The following AFF1 variants were observed in gnomAD, a reference collection of about 807,000 sequenced individuals.
AFF1 encodes ALF transcription elongation factor 1, also known as AF4/FMR2 family member 1.
A neutral mutation model predicts 121.7 loss-of-function variants in AFF1; 48 were observed. The ratio of observed to expected loss-of-function variants is 0.39; its 90% confidence interval spans 0.31 to 0.50. The LOEUF (loss-of-function observed/expected upper bound fraction) is 0.50, where lower values mean the gene tolerates loss of function less well. Ranked by LOEUF, AFF1 falls within the 20% of genes least tolerant of loss-of-function variation. AFF1 has a pLI of 0.76. For synonymous variants in AFF1, 613 were observed against 563.0 expected, an observed-to-expected ratio of 1.09 and a Z score of -1.26; for missense variants, 1,523 against 1,511.7, an observed-to-expected ratio of 1.01 and a Z score of -0.12.
chr4:87,119,289 A>G (rs112287512), intron 12 of AFF1, among the ~76,000 whole-genome samples: 29 of 152,178 alleles, frequency 1.9e-4, no homozygotes, highest in Non-Finnish European at 4.0e-4. Context: ...CCCTCTAAAA[A>G]TGTACCTGGC....
chr4:86,962,519 A>G (rs1406643226), intron 2 of AFF1, among the ~76,000 whole-genome samples: 1 of 152,122 alleles, frequency 6.6e-6, no homozygotes, highest in Admixed American at 6.5e-5. Context: ...TTCAGCATTT[A>G]GGGTGTGGAG....
At chr4:87,053,853 T>G (rs986540713) in intron 4 of AFF1, among the ~76,000 whole-genome samples, 14 of 152,216 alleles carry the variant, frequency 9.2e-5, no homozygotes, top group Non-Finnish European at 1.2e-4. Context: ...CAAGCTATTC[T>G]AAGAGCTATA....
intron 2 of AFF1, among the ~76,000 whole-genome samples, chr4:87,014,773 T>G (rs183230405): frequency 1.3e-5 from 2 of 152,238 alleles, no homozygotes; most frequent in Admixed American, 6.5e-5. Context: ...GTTAAATTGC[T>G]TCTCCCCCAC....
At chr4:87,022,543 GATATATAT>G (rs1156817444) in intron 2 of AFF1, among the ~76,000 whole-genome samples, 1,380 of 80,160 alleles carry the variant, frequency 0.017, 44 homozygotes, top group African/African-American at 0.041. Context: ...CGTGCTTACA[GATATATAT>G]ATATATATAT....
At chr4:86,994,242 C>G (rs1048577133) in intron 2 of AFF1, among the ~76,000 whole-genome samples, 1 of 152,230 alleles carries the variant, frequency 6.6e-6, no homozygotes, top group Non-Finnish European at 1.5e-5. Flanking sequence ...GTTGCTAATT[C>G]GACTTCCTGA....
chr4:87,079,953 A>T (rs1423780666), intron 4 of AFF1, among the ~76,000 whole-genome samples: 1 of 152,198 alleles, frequency 6.6e-6, no homozygotes, highest in African/African-American at 2.4e-5. Context: ...GCGTCGTACA[A>T]TTGATGGTAC....
intron 2 of AFF1, among the ~76,000 whole-genome samples, chr4:86,976,315 G>A (rs1474152402): frequency 6.6e-6 from 1 of 152,170 alleles, no homozygotes; most frequent in Non-Finnish European, 1.5e-5. Context: ...TAAGGAGGCA[G>A]AGAGGTGGGT....
At chr4:87,062,635 C>T (rs1578172079) in intron 4 of AFF1, among the ~76,000 whole-genome samples, 1 of 152,198 alleles carries the variant, frequency 6.6e-6, no homozygotes, top group South Asian at 2.1e-4. Context: ...TTTTAAATTA[C>T]TTATTTTTAT....
At position 86,951,704 on chromosome 4, in the gene AFF1, C is replaced by T. The variant is rs141522095; in HGVS notation, c.38+3133C>T. 3.0e-3 allele frequency among the ~76,000 whole-genome samples: 436 copies of T among 144,068 alleles called. 1 individual carries two copies. The highest frequency in any genetic ancestry group is 0.011 in the African/African-American group (404 of 38,426). The allele number at this position is 144,068 out of a possible 152,430, so 94.5% of individuals were successfully genotyped here. On this transcript the variant is annotated intron_variant, in intron 2 of 20. Transcript: ENST00000395146. ...GTGGCATGATCTTGGCTCACTACAA[C>T]CTCCACCTCCAGGTTCAAGCAATTC...
At chr4:86,996,404 C>G (rs1313826105) in intron 2 of AFF1, among the ~76,000 whole-genome samples, 1 of 151,754 alleles carries the variant, frequency 6.6e-6, no homozygotes, top group Non-Finnish European at 1.5e-5. Context: ...GCCTTGGGAT[C>G]CTGTTGATCT....
rs1730840608 is a variant in AFF1 at position 87,047,571 on chromosome 4, A to C, written c.1036A>C (p.Lys346Gln). The C allele has an allele frequency of 1.9e-6, 3 of 1,614,094 alleles. No homozygotes were observed. In the South Asian group the frequency reaches 3.3e-5, roughly 18 times the overall value. ...VPAKAKLTKL[K>Q]MPSQSVEQTY... ...TGCCAAAGCCAAGCTCACCAAACTG[A>C]AGATGCCTTCTCAGTCAGTTGAGGT... Residue 346 changes from lysine (K) to glutamine (Q), a missense_variant, in exon 4 of 21, where the codon AAG (lysine) becomes CAG (glutamine). By Grantham distance (53) the Lys-to-Gln change is moderately conservative (BLOSUM62 1). This residue lies in a region of AFF1 where 905 missense variants were observed against 842.5 expected (regional missense o/e 1.07). Transcript: ENST00000395146.
At chr4:87,126,023 C>G in intron 13 of AFF1, 76 bp from the exon 14 acceptor site, 1 of 1,408,360 alleles carries the variant, frequency 7.1e-7, no homozygotes, top group South Asian at 1.2e-5. Flanking sequence ...TGCCAGCAGC[C>G]AGTTTGTAAC....
At chr4:87,081,562 G>A (rs372185766) in intron 4 of AFF1, among the ~76,000 whole-genome samples, 33 of 152,274 alleles carry the variant, frequency 2.2e-4, no homozygotes, top group Non-Finnish European at 4.1e-4. Flanking sequence ...ACCATTGTAC[G>A]GATGCACTGT....
chr4:87,103,040 A>C (rs543831219), intron 8 of AFF1, among the ~76,000 whole-genome samples: 113 of 152,352 alleles, frequency 7.4e-4, no homozygotes, highest in Non-Finnish European at 6.6e-4. Context: ...AACTGTCTTC[A>C]GCTACATAGA....
intron 2 of AFF1, chr4:86,950,241 T>C (rs1721211026): frequency 1.1e-6 from 1 of 882,146 alleles, no homozygotes; most frequent in South Asian, 1.4e-5. Context: ...TGCAGTGCCA[T>C]GATCTTGGCT....
intron 2 of AFF1, chr4:86,949,543 T>A (rs201161393): frequency 0.065 from 10,220 of 157,394 alleles, 188 homozygotes; most frequent in South Asian, 0.077. Context: ...TATTATTTTT[T>A]TTTTTTTTTT....
chr4:86,957,425 C>T (rs994631187), intron 2 of AFF1, among the ~76,000 whole-genome samples: 1 of 152,156 alleles, frequency 6.6e-6, no homozygotes. Context: ...GTAAGGTATT[C>T]ATATCAGTAG....
At chr4:86,956,132 C>T (rs1053123635) in intron 2 of AFF1, among the ~76,000 whole-genome samples, 3 of 152,168 alleles carry the variant, frequency 2.0e-5, no homozygotes, top group African/African-American at 7.2e-5. Flanking sequence ...AGGTTTCCTG[C>T]ATTTTCAAGT....
At chr4:86,960,563 G>T (rs145682188) in intron 2 of AFF1, among the ~76,000 whole-genome samples, 1 of 152,180 alleles carries the variant, frequency 6.6e-6, no homozygotes, top group Non-Finnish European at 1.5e-5. Flanking sequence ...CTTTATATTT[G>T]TGTAGTTACA....
Sources: allele counts gnomAD v4.1 joint callset (sites outside exome capture counted in the v4.1 genomes callset), GRCh38; gene constraint gnomAD v4.1.1; regional missense constraint gnomAD v4.1.1; transcripts MANE v1.5; gene names NCBI Gene and HGNC (gene_info 2026-07-23, HGNC 2026-07-21).